Variants in SYNGR2 observed in about 807,000 individuals in gnomAD.
SYNGR2 encodes the protein synaptogyrin-2.
A neutral mutation model predicts 18.7 loss-of-function variants in SYNGR2; 11 were observed. The observed-to-expected ratio is 0.59, with a 90% CI of 0.37 to 0.97. The LOEUF (loss-of-function observed/expected upper bound fraction) is 0.97, where lower values mean the gene tolerates loss of function less well. Among genes scored for constraint, SYNGR2 ranks in the 50% least tolerant of loss-of-function variants. The pLI is 0.01. For synonymous variants in SYNGR2, 127 were observed against 131.0 expected, an observed-to-expected ratio of 0.97 and a Z score of 0.21; for missense variants, 253 against 300.7, an observed-to-expected ratio of 0.84 and a Z score of 1.17.
At chr17:78,169,542 A>T (rs1032039056) in intron 1 of SYNGR2, 1 of 152,302 alleles carries the variant, frequency 6.6e-6, no homozygotes, top group African/African-American at 2.4e-5. Context: ...CATCCCGGAG[A>T]TCCGGCTTCA....
At chr17:78,168,908 C>T (rs2075638010) in intron 1 of SYNGR2, among the ~76,000 whole-genome samples, 193 bp downstream of exon 1, 1 of 152,084 alleles carries the variant, frequency 6.6e-6, no homozygotes, top group African/African-American at 2.4e-5. Flanking sequence ...TGTCCCCTCC[C>T]GGTCCCGGGT....
rs1296323881 is a variant in SYNGR2 at position 78,168,590 on chromosome 17, G to A, written c.-27G>A. 6.0e-6 allele frequency: 7 copies of A among 1,171,442 alleles called. No individual in the cohort carries two copies. Among genetic ancestry groups the A allele is most frequent in the Non-Finnish European group, 7.4e-6 (7 of 942,396 alleles). The allele number at this position is 1,171,442 out of a possible 1,614,324, so 72.6% of individuals were successfully genotyped here. A position where few individuals can be genotyped will look rare whatever the true frequency, so the allele number is the denominator to read the frequency against. ...CCGGGCAGGTTCCTCTGCGTTCCGC[G>A]GCGGCGGCAGCGGCGGCGACGGCGA... On this transcript the variant is annotated 5_prime_UTR_variant, in exon 1 of 4. Coordinates refer to ENST00000225777, the MANE Select transcript of SYNGR2 (RefSeq NM_004710.7).
Position 78,172,290 on chromosome 17 carries a change from G to A in SYNGR2, c.*354G>A, listed in dbSNP as rs892247642. 17 of 506,962 alleles carry A rather than the reference G, an allele frequency of 3.4e-5. No individual in the cohort carries two copies. The Admixed American group carries it at 4.2e-4, about 12-fold the overall frequency. The allele number at this position is 506,962 out of a possible 1,614,324, so 31.4% of individuals were successfully genotyped here. A position where few individuals can be genotyped will look rare whatever the true frequency, so the allele number is the denominator to read the frequency against. On this transcript the variant is annotated 3_prime_UTR_variant, in exon 4 of 4. Coordinates refer to ENST00000225777, the MANE Select transcript of SYNGR2 (RefSeq NM_004710.7). ...TCAGCTTCCCCCCGGCCCGGGTCAG[G>A]CCGTGGGAGCCGCTATTATCTGCGT... is the stretch of plus-strand genomic sequence containing the variant.
At position 78,168,626 on chromosome 17, in the gene SYNGR2, G is replaced by C. The variant is rs1273397398; in HGVS notation, c.10G>C (p.Gly4Arg). 8.3e-6 allele frequency: 10 copies of C among 1,203,368 alleles called. No individual in the cohort carries two copies. Among genetic ancestry groups the C allele is most frequent in the Non-Finnish European group, 9.3e-6 (9 of 969,564 alleles). 74.5% of individuals were successfully genotyped at this position (1,203,368 alleles called of 1,614,324 possible). The stretch of plus-strand genomic sequence containing the variant: ...CGGCGGCGACGGCGACATGGAGAGC[G>C]GGGCCTACGGCGCGGCCAAGGCGGG... MESGAYGAAKAGGS... is the reference protein window; with the variant it reads MESRAYGAAKAGGS... Residue 4 changes from glycine to arginine, a missense_variant, in exon 1 of 4, where the codon GGG (glycine) becomes CGG (arginine). Physicochemically the swap from Gly to Arg is moderately radical, Grantham distance 125. Coordinates refer to ENST00000225777, the MANE Select transcript of SYNGR2 (RefSeq NM_004710.7).
In SYNGR2 at chr17:78,170,806, C is replaced by G. The variant is rs772357246; in HGVS notation, c.100-11C>G. The G allele has an allele frequency of 2.5e-6, 4 of 1,603,224 alleles. 1 individual carries two copies. In the South Asian group the frequency reaches 4.4e-5, roughly 18 times the overall value. ...GGCCACCAGCCCTACCAGGTCCTCCCCTCCCGGCAGGTCTTCGCCTTGATC... is the reference window on the plus strand; with the variant it reads ...GGCCACCAGCCCTACCAGGTCCTCCGCTCCCGGCAGGTCTTCGCCTTGATC... On this transcript the variant is annotated splice_polypyrimidine_tract_variant and intron_variant, in intron 1 of 3. Coordinates refer to ENST00000225777, the MANE Select transcript of SYNGR2 (RefSeq NM_004710.7).
rs775982536 is a variant in SYNGR2 at position 78,171,971 on chromosome 17, C to T, written c.*35C>T. The T allele has an allele frequency of 7.0e-5, 113 of 1,608,508 alleles. 1 individual carries two copies. Among genetic ancestry groups the T allele is most frequent in the South Asian group, 1.8e-4 (16 of 91,068 alleles). On this transcript the variant is annotated 3_prime_UTR_variant, in exon 4 of 4. Coordinates refer to ENST00000225777, the MANE Select transcript of SYNGR2 (RefSeq NM_004710.7). The surrounding 1 kb of genome is among the most constrained non-coding windows in gnomAD (Gnocchi z 6.6). Reference sequence around the variant, plus strand: ...AGCGTGGGAAGGGGGACAGAGAGGGCCCTCCCCTCTGCCCTGGACTTTCCC... The same window carrying T: ...AGCGTGGGAAGGGGGACAGAGAGGGTCCTCCCCTCTGCCCTGGACTTTCCC...
chr17:78,169,554 C>T (rs1442215109), intron 1 of SYNGR2: 1 of 152,338 alleles, frequency 6.6e-6, no homozygotes, highest in East Asian at 1.9e-4. Context: ...CCGGCTTCAT[C>T]TCCATCTGGG....
At position 78,171,050 on chromosome 17, in the gene SYNGR2, C is replaced by T. The variant is rs1374672185; in HGVS notation, c.333C>T (p.Phe111=). Residue 111 remains phenylalanine (F), a synonymous_variant, in exon 2 of 4, where the codon TTC becomes TTT. Coordinates refer to ENST00000225777, the MANE Select transcript of SYNGR2 (RefSeq NM_004710.7). This position sits in a 1 kb window ranked among gnomAD's most constrained non-coding sequence, Gnocchi z 6.6. ...RKYLVIGDLL[F]SALWTFLWFV... The stretch of plus-strand genomic sequence containing the variant: ...ACCTGGTCATTGGTGACCTGCTCTT[C>T]TCAGGTATCTGCCTGTGGCACCTCC... 1.2e-6 allele frequency: 2 copies of T among 1,612,840 alleles called. No individual in the cohort carries two copies. The highest frequency in any genetic ancestry group is 1.7e-6 in the Non-Finnish European group (2 of 1,179,760).
At position 78,171,076 on chromosome 17, in the gene SYNGR2, A is replaced by G. The variant is rs756504348; in HGVS notation, c.337+22A>G. 1.2e-6 allele frequency: 2 copies of G among 1,606,668 alleles called. No individual in the cohort carries two copies. Among genetic ancestry groups the G allele is most frequent in the East Asian group, 4.5e-5 (2 of 44,758 alleles). ...TCAGGTATCTGCCTGTGGCACCTCC[A>G]TTTGATCTTGGGGGAGGCATTAACT... On this transcript the variant is annotated intron_variant, in intron 2 of 3. Coordinates refer to ENST00000225777, the MANE Select transcript of SYNGR2 (RefSeq NM_004710.7). The surrounding 1 kb of genome is among the most constrained non-coding windows in gnomAD (Gnocchi z 6.6).
chr17:78,171,760 T>C lies in SYNGR2; in HGVS notation c.499T>C (p.Tyr167His). The change falls in exon 4 of 4, where the codon TAC becomes CAC. Residue 167 changes from tyrosine (Y) to histidine (H), a missense_variant. By Grantham distance (83) the Tyr-to-His change is moderately conservative. Coordinates refer to ENST00000225777, the MANE Select transcript of SYNGR2 (RefSeq NM_004710.7). This position sits in a 1 kb window ranked among gnomAD's most constrained non-coding sequence, Gnocchi z 6.6. ...GCAGGGTGTGCTGGCCTCCCTGGCC[T>C]ACCAGCGCTACAAGGCTGGCGTGGA... is the stretch of plus-strand genomic sequence containing the variant. Reference protein sequence around the residue: ...FSWGVLASLAYQRYKAGVDDF... With the variant: ...FSWGVLASLAHQRYKAGVDDF... The C allele has an allele frequency of 6.2e-7, 1 of 1,614,078 alleles. No individual in the cohort carries two copies. The highest frequency in any genetic ancestry group is 8.5e-7 in the Non-Finnish European group (1 of 1,179,964).
intron 1 of SYNGR2, among the ~76,000 whole-genome samples, chr17:78,168,917 G>A (rs2075638122): frequency 6.6e-6 from 1 of 152,044 alleles, no homozygotes; most frequent in South Asian, 2.1e-4. Context: ...CCGGTCCCGG[G>A]TCCCGCCACC....
At chr17:78,170,031 A>G (rs1310674663) in intron 1 of SYNGR2, 1 of 152,396 alleles carries the variant, frequency 6.6e-6, no homozygotes, top group Non-Finnish European at 1.5e-5. Flanking sequence ...GGGCCTGTCC[A>G]CCTTCACCAA....
Position 78,171,918 on chromosome 17 carries a change from G to A in SYNGR2, c.657G>A (p.Gln219=). 1.2e-6 allele frequency: 2 copies of A among 1,613,544 alleles called. No homozygotes were observed. Among genetic ancestry groups the A allele is most frequent in the Non-Finnish European group, 1.7e-6 (2 of 1,180,008 alleles). Residue 219 remains glutamine, a synonymous_variant, in exon 4 of 4, where the codon CAG becomes CAA. Coordinates refer to ENST00000225777, the MANE Select transcript of SYNGR2 (RefSeq NM_004710.7). The surrounding 1 kb of genome is among the most constrained non-coding windows in gnomAD (Gnocchi z 6.6). ...TQNAETTEGY[Q]PPPVY is the part of the protein sequence containing the mutation. ...ACGCGGAGACCACCGAGGGCTACCA[G>A]CCGCCCCCTGTGTACTGAGCGGCGG...
At position 78,171,083 on chromosome 17, in the gene SYNGR2, C is replaced by A; in HGVS notation, c.337+29C>A. ...TCTGCCTGTGGCACCTCCATTTGAT[C>A]TTGGGGGAGGCATTAACTCTAGGGT... On this transcript the variant is annotated intron_variant, in intron 2 of 3. Transcript: ENST00000225777. The surrounding 1 kb of genome is among the most constrained non-coding windows in gnomAD (Gnocchi z 6.6). 6.2e-7 allele frequency: 1 copy of A among 1,602,550 alleles called. No individual in the cohort carries two copies. The highest frequency in any genetic ancestry group is 1.1e-5 in the South Asian group (1 of 90,866).
At position 78,171,305 on chromosome 17, in the gene SYNGR2, C is replaced by T; in HGVS notation, c.338-205C>T. On this transcript the variant is annotated intron_variant, in intron 2 of 3. Transcript: ENST00000225777. The surrounding 1 kb of genome is among the most constrained non-coding windows in gnomAD (Gnocchi z 6.6). ...GCTTTGCCTCTGCCCCTTTTGTCCC[C>T]TAGGCTGTCTGCTGTGGCCCACCCT... The T allele has an allele frequency of 1.4e-6, 1 of 699,762 alleles. No homozygotes were observed. The allele number at this position is 699,762 out of a possible 1,614,324, so 43.3% of individuals were successfully genotyped here. A position where few individuals can be genotyped will look rare whatever the true frequency, so the allele number is the denominator to read the frequency against.
rs755311912 is a variant in SYNGR2 at position 78,170,996 on chromosome 17, C to T, written c.279C>T (p.Pro93=). The change falls in exon 2 of 4, where the codon CCC becomes CCT. Residue 93 remains proline, a synonymous_variant. Transcript: ENST00000225777. ...AFFLVVDAYF[P]QISNATDRKY... is the part of the protein sequence containing the mutation. ...TCTTGGTGGTCGACGCGTATTTCCC[C>T]CAGATCAGCAACGCCACTGACCGCA... 1 of 1,600,900 alleles carries T rather than the reference C, an allele frequency of 6.2e-7. No individual in the cohort carries two copies. The highest frequency in any genetic ancestry group is 8.5e-7 in the Non-Finnish European group (1 of 1,174,192).
chr17:78,171,373 C>A lies in SYNGR2; in HGVS notation c.338-137C>A. 8.8e-7 allele frequency: 1 copy of A among 1,141,466 alleles called. No individual in the cohort carries two copies. Among genetic ancestry groups the A allele is most frequent in the Non-Finnish European group, 1.2e-6 (1 of 824,774 alleles). 70.7% of individuals were successfully genotyped at this position (1,141,466 alleles called of 1,614,324 possible). A position where few individuals can be genotyped will look rare whatever the true frequency, so the allele number is the denominator to read the frequency against. The stretch of plus-strand genomic sequence containing the variant: ...GGGGACTTTGGAGGTGGCTCCCGGC[C>A]CGGCTTCCAAGTCCTCCCCTCCATA... On this transcript the variant is annotated intron_variant, in intron 2 of 3. Transcript: ENST00000225777. This position sits in a 1 kb window ranked among gnomAD's most constrained non-coding sequence, Gnocchi z 6.6.
chr17:78,168,736 C>T (rs1394510520), intron 1 of SYNGR2, 21 bp downstream of exon 1: 10 of 1,193,388 alleles, frequency 8.4e-6, no homozygotes, highest in Non-Finnish European at 1.0e-5. Flanking sequence ...GGAGGGCGGG[C>T]CGAGGGCACC....
Position 78,172,039 on chromosome 17 carries a change from C to T in SYNGR2, c.*103C>T. On this transcript the variant is annotated 3_prime_UTR_variant, in exon 4 of 4. Coordinates refer to ENST00000225777, the MANE Select transcript of SYNGR2 (RefSeq NM_004710.7). ...GCCAGCCCCTCTCTTTCACCTGTTC[C>T]ATCCTGTGCAGCTGACACACAGCTA... The T allele has an allele frequency of 6.4e-7, 1 of 1,568,128 alleles. No homozygotes were observed. The highest frequency in any genetic ancestry group is 8.6e-7 in the Non-Finnish European group (1 of 1,162,392).
Sources: gnomAD v4.1 joint callset for allele counts (sites outside exome capture counted in the v4.1 genomes callset) on GRCh38, gnomAD v4.1.1 for gene constraint, Gnocchi (gnomAD v3.1) non-coding constraint, MANE v1.5 for transcripts, NCBI Gene and HGNC (gene_info 2026-07-23, HGNC 2026-07-21) for gene names.